The following JAZF1 variants were observed in gnomAD, a reference collection of about 807,000 sequenced individuals.
The protein encoded by JAZF1 is juxtaposed with another zinc finger protein 1.
In JAZF1, 8 loss-of-function variants were observed where a neutral mutation model predicts 26.4. The observed-to-expected ratio is 0.30, with a 90% CI of 0.18 to 0.55. The LOEUF (loss-of-function observed/expected upper bound fraction) is 0.55. Among genes scored for constraint, JAZF1 ranks in the 20% least tolerant of loss-of-function variants. The pLI, the probability that JAZF1 is intolerant of heterozygous loss-of-function variation, is 0.94. For missense variants in JAZF1, 199 were observed against 322.0 expected (o/e 0.62, Z 2.92); for synonymous variants, 126 against 122.3 (o/e 1.03, Z -0.20).
chr7:27,948,132 C>A (rs922307584), intron 2 of JAZF1, among the ~76,000 whole-genome samples: 2 of 152,004 alleles, frequency 1.3e-5, no homozygotes, highest in South Asian at 2.1e-4. Context: ...TGTGGGGTAG[C>A]CAGCCACTGA....
intron 1 of JAZF1, among the ~76,000 whole-genome samples, chr7:28,094,676 C>A (rs1259243828): frequency 6.6e-6 from 1 of 152,228 alleles, no homozygotes; most frequent in East Asian, 1.9e-4. Context: ...CATGGGCAAG[C>A]AGACCCGAAG....
chr7:28,123,355 G>A (rs962854978), intron 1 of JAZF1, among the ~76,000 whole-genome samples: 4 of 152,106 alleles, frequency 2.6e-5, no homozygotes, highest in Non-Finnish European at 5.9e-5. Flanking sequence ...CCTCACAGCA[G>A]GCCATGCCTT....
chr7:28,157,783 C>G (rs1783211065), intron 1 of JAZF1, among the ~76,000 whole-genome samples: 2 of 152,158 alleles, frequency 1.3e-5, no homozygotes, highest in Non-Finnish European at 2.9e-5. Context: ...GTAATGCTAA[C>G]TCATGCACCT....
At chr7:28,008,621 C>A (rs971840685) in intron 1 of JAZF1, among the ~76,000 whole-genome samples, 6 of 152,208 alleles carry the variant, frequency 3.9e-5, no homozygotes, top group African/African-American at 1.4e-4. Context: ...AAGGCTTAAA[C>A]TATACACTAA....
At chr7:28,073,884 G>C (rs563053286) in intron 1 of JAZF1, among the ~76,000 whole-genome samples, 1 of 150,284 alleles carries the variant, frequency 6.7e-6, no homozygotes, top group Non-Finnish European at 1.5e-5. Flanking sequence ...TAAAATAATC[G>C]TAATTAGAAA....
At chr7:27,873,313 A>G (rs1285779448) in intron 3 of JAZF1, among the ~76,000 whole-genome samples, 2 of 152,212 alleles carry the variant, frequency 1.3e-5, no homozygotes, top group Non-Finnish European at 1.5e-5. Flanking sequence ...AAATAGCTGC[A>G]ATCCATATCG....
intron 2 of JAZF1, among the ~76,000 whole-genome samples, chr7:27,966,757 A>G (rs1785283101): frequency 6.6e-6 from 1 of 152,156 alleles, no homozygotes; most frequent in African/African-American, 2.4e-5. Flanking sequence ...ATTCTTAGGG[A>G]ACTCTCAAGG....
intron 2 of JAZF1, among the ~76,000 whole-genome samples, chr7:27,907,875 C>A (rs1360595150): frequency 6.6e-6 from 1 of 152,210 alleles, no homozygotes; most frequent in Non-Finnish European, 1.5e-5. Flanking sequence ...CTTTGGGACT[C>A]AGCCTTACAG....
At chr7:27,845,154 A>G (rs2128332410) in intron 3 of JAZF1, among the ~76,000 whole-genome samples, 1 of 152,356 alleles carries the variant, frequency 6.6e-6, no homozygotes, top group African/African-American at 2.4e-5. Context: ...AGGGGAAAAA[A>G]CAACTATGTG....
chr7:27,858,363 C>T (rs1300334371), intron 3 of JAZF1, among the ~76,000 whole-genome samples: 1 of 152,084 alleles, frequency 6.6e-6, no homozygotes, highest in Non-Finnish European at 1.5e-5. Context: ...ACTTTCTTCA[C>T]ATAATTAGAA....
At chr7:28,035,023 A>G (rs921499278) in intron 1 of JAZF1, among the ~76,000 whole-genome samples, 25 of 151,978 alleles carry the variant, frequency 1.6e-4, no homozygotes, top group African/African-American at 5.5e-4. Context: ...TTTTATATAT[A>G]TAAAAGAAAT....
intron 3 of JAZF1, among the ~76,000 whole-genome samples, chr7:27,854,176 G>A (rs763451536): frequency 1.3e-5 from 2 of 152,172 alleles, no homozygotes; most frequent in Non-Finnish European, 2.9e-5. Context: ...TGTTTTACCA[G>A]AGACTAGGAT....
intron 3 of JAZF1, among the ~76,000 whole-genome samples, chr7:27,855,104 A>C (rs1284665539): frequency 2.0e-5 from 3 of 151,930 alleles, no homozygotes; most frequent in African/African-American, 7.3e-5. Flanking sequence ...GCTTTATTTC[A>C]TTAAGTTGAT....
chr7:28,046,232 TACTGATGGGCAA>T (rs1783494108), intron 1 of JAZF1, among the ~76,000 whole-genome samples: 1 of 152,210 alleles, frequency 6.6e-6, no homozygotes, highest in African/African-American at 2.4e-5. Context: ...GCCCCATTTT[TACTGATGGGCAA>T]ACTGAGGCGC....
intron 2 of JAZF1, among the ~76,000 whole-genome samples, chr7:27,989,526 C>T (rs1045481932): frequency 2.0e-5 from 3 of 152,184 alleles, no homozygotes; most frequent in Non-Finnish European, 2.9e-5. Context: ...TTTTTACAAT[C>T]TACCCATCTG....
At chr7:28,157,704 G>A (rs1326640981) in intron 1 of JAZF1, among the ~76,000 whole-genome samples, 5 of 152,096 alleles carry the variant, frequency 3.3e-5, no homozygotes, top group South Asian at 2.1e-4. Context: ...ACTTCCATTC[G>A]TGACAGAGAC....
At chr7:28,123,637 G>A (rs752922722) in intron 1 of JAZF1, among the ~76,000 whole-genome samples, 4 of 152,214 alleles carry the variant, frequency 2.6e-5, no homozygotes, top group Non-Finnish European at 2.9e-5. Flanking sequence ...TGCCAGCCAC[G>A]TCAAGAGGCA....
intron 1 of JAZF1, among the ~76,000 whole-genome samples, chr7:28,124,409 C>T (rs993970739): frequency 5.3e-5 from 8 of 152,206 alleles, no homozygotes; most frequent in South Asian, 4.1e-4. Context: ...GCAGCCCAAG[C>T]GGTTCTCGAG....
chr7:28,032,269 C>T lies in JAZF1; in HGVS notation c.116-40288G>A, dbSNP rs187428724. 1.3e-4 allele frequency among the ~76,000 whole-genome samples: 20 copies of T among 152,340 alleles called. No individual in the cohort carries two copies. The East Asian group carries it at 3.5e-3, about 26-fold the overall frequency. ...TGTGAAATCTGCATAAGAATCAACA[C>T]TGGCACTGCACATTTTGGATACAAA... On this transcript the variant is annotated intron_variant, in intron 1 of 4. Coordinates refer to ENST00000283928, the MANE Select transcript of JAZF1 (RefSeq NM_175061.4).
Sources: gnomAD v4.1 joint callset for allele counts (sites outside exome capture counted in the v4.1 genomes callset) on GRCh38, gnomAD v4.1.1 for gene constraint, MANE v1.5 for transcripts, NCBI Gene and HGNC (gene_info 2026-07-23, HGNC 2026-07-21) for gene names.